UVSSA: variants seen among roughly 807,000 people sequenced by gnomAD.
The protein encoded by UVSSA is UV-stimulated scaffold protein A.
Under a neutral mutation model 73.9 loss-of-function variants are expected in UVSSA, and 72 were observed. That is an observed-to-expected ratio of 0.97 (90% confidence interval 0.81 to 1.19). UVSSA has a LOEUF of 1.19. Among genes scored for constraint, UVSSA ranks in the 50% most tolerant of loss-of-function variants. UVSSA has a pLI of 0.00. For synonymous variants in UVSSA, 454 were observed against 391.3 expected (o/e 1.16, Z -1.89); for missense variants, 1,150 against 965.0 (o/e 1.19, Z -2.54).
chr4:1,394,135 G>C, exon 14 of UVSSA: 1 of 377,572 alleles, frequency 2.6e-6, no homozygotes, highest in South Asian at 2.5e-5. Flanking sequence ...CAGAGGTGAG[G>C]GCCAGGGCAG....
chr4:1,379,484 G>T (rs1310331759), intron 10 of UVSSA, among the ~76,000 whole-genome samples: 1 of 144,242 alleles, frequency 6.9e-6, no homozygotes, highest in African/African-American at 2.5e-5. Context: ...ACGCACCTGG[G>T]ACGCCTGGGA....
At chr4:1,355,033 G>A in intron 6 of UVSSA, 84 bp from the exon 7 acceptor site, 3 of 1,573,328 alleles carry the variant, frequency 1.9e-6, no homozygotes, top group Non-Finnish European at 2.6e-6. Context: ...CCGGGCCAGT[G>A]GACCTGGCAT....
downstream of UVSSA, chr4:1,390,743 T>C (rs1208978862): frequency 6.6e-6 from 1 of 152,460 alleles, no homozygotes; most frequent in Non-Finnish European, 1.5e-5. Flanking sequence ...TGGAGTGTTG[T>C]ATAGATGCCT....
chr4:1,351,494 T>A (rs1430665651), intron 3 of UVSSA, among the ~76,000 whole-genome samples: 1 of 151,648 alleles, frequency 6.6e-6, no homozygotes, highest in Non-Finnish European at 1.5e-5. Context: ...CACACCATTC[T>A]CCTGCCTCAA....
At chr4:1,362,094 C>T (rs1026803317) in intron 7 of UVSSA, among the ~76,000 whole-genome samples, 1 of 152,210 alleles carries the variant, frequency 6.6e-6, no homozygotes, top group Admixed American at 6.5e-5. Flanking sequence ...CTTCTGTGAA[C>T]TGATTGCATT....
chr4:1,395,366 G>T, exon 14 of UVSSA: 2 of 1,457,744 alleles, frequency 1.4e-6, no homozygotes, highest in Non-Finnish European at 1.8e-6. Flanking sequence ...CACATGTGCC[G>T]ATGTGGAGTG....
intron 12 of UVSSA, among the ~76,000 whole-genome samples, chr4:1,381,956 C>T (rs535072862): frequency 1.3e-5 from 2 of 152,310 alleles, no homozygotes; most frequent in East Asian, 1.9e-4. Flanking sequence ...AGTCCCCGCC[C>T]GGCCTCGGTC....
At chr4:1,358,775 A>C (rs1716178885) in intron 7 of UVSSA, among the ~76,000 whole-genome samples, 2 of 152,254 alleles carry the variant, frequency 1.3e-5, no homozygotes, top group South Asian at 4.1e-4. Context: ...AGAGGGTTTA[A>C]ATCACTTCCC....
intron 12 of UVSSA, among the ~76,000 whole-genome samples, 162 bp from the exon 13 acceptor site, chr4:1,383,604 C>G (rs536977513): frequency 6.6e-6 from 1 of 152,228 alleles, no homozygotes; most frequent in African/African-American, 2.4e-5. Flanking sequence ...GAACCCTAAC[C>G]GCTGAGCATC....
chr4:1,393,557 CTAGATAGATAGATAGAT>C (rs1720453460), exon 14 of UVSSA: 1 of 140,470 alleles, frequency 7.1e-6, no homozygotes, highest in Non-Finnish European at 1.5e-5. Flanking sequence ...GCTTTCAAAA[CTAGATAGATAGATAGAT>C]TAGATAGATA....
chr4:1,352,482 G>T (rs777186912), intron 4 of UVSSA, among the ~76,000 whole-genome samples: 9 of 152,244 alleles, frequency 5.9e-5, no homozygotes, highest in Non-Finnish European at 1.0e-4. Flanking sequence ...GCTCCGGCCC[G>T]GGAGGTGTGG....
chr4:1,385,399 A>G, intron 13 of UVSSA: 1 of 205,826 alleles, frequency 4.9e-6, no homozygotes, highest in Non-Finnish European at 1.0e-5. Context: ...GCTCCCCGGA[A>G]TGCCTGCCTG....
At chr4:1,357,313 G>T (rs1009064729) in intron 7 of UVSSA, among the ~76,000 whole-genome samples, 8 of 152,292 alleles carry the variant, frequency 5.3e-5, no homozygotes, top group Non-Finnish European at 2.9e-5. Flanking sequence ...CCCTCCAGCT[G>T]GCACAGTCCT....
At position 1,349,632 on chromosome 4, in the gene UVSSA, C is replaced by A. The variant is rs552547198; in HGVS notation, c.207C>A (p.Phe69Leu). The change falls in exon 3 of 14, where the codon TTC becomes TTA. Residue 69 changes from phenylalanine to leucine, a missense_variant. By Grantham distance (22) the Phe-to-Leu change is conservative (BLOSUM62 0). Coordinates refer to ENST00000389851, the MANE Select transcript of UVSSA (RefSeq NM_020894.4). ...CCTTCCAGATTGTGGAGGAACTCTT[C>A]GTCAGGTCTCACCAGTTCCGGATGC... ...LSAFQIVEEL[F>L]VRSHQFRMLV... 1.2e-6 allele frequency: 2 copies of A among 1,614,090 alleles called. No homozygotes were observed. The highest frequency in any genetic ancestry group is 1.7e-6 in the Non-Finnish European group (2 of 1,180,008).
upstream of UVSSA, among the ~76,000 whole-genome samples, chr4:1,344,109 C>T (rs571749481): frequency 2.6e-5 from 4 of 152,028 alleles, no homozygotes; most frequent in South Asian, 4.2e-4. Flanking sequence ...GTATGTCATA[C>T]GCCTTGTTTA....
At chr4:1,366,089 T>C in intron 7 of UVSSA, 1 of 370,278 alleles carries the variant, frequency 2.7e-6, no homozygotes, top group Non-Finnish European at 4.9e-6. Flanking sequence ...GGTTTTAACA[T>C]AGACTCTAAA....
chr4:1,377,000 C>T (rs1718854009), intron 10 of UVSSA, among the ~76,000 whole-genome samples: 1 of 152,230 alleles, frequency 6.6e-6, no homozygotes, highest in Non-Finnish European at 1.5e-5. Flanking sequence ...TTGCCGTCCC[C>T]ACAGCACCCA....
At chr4:1,359,767 C>T (rs962629480) in intron 7 of UVSSA, among the ~76,000 whole-genome samples, 1 of 152,192 alleles carries the variant, frequency 6.6e-6, no homozygotes, top group Non-Finnish European at 1.5e-5. Flanking sequence ...GCCTCCTCCA[C>T]CGGCCTCACC....
At position 1,353,264 on chromosome 4, in the gene UVSSA, G is replaced by C. The variant is rs376606770; in HGVS notation, c.785G>C (p.Gly262Ala). 2 of 1,611,468 alleles carry C rather than the reference G, an allele frequency of 1.2e-6. No individual in the cohort carries two copies. The highest frequency in any genetic ancestry group is 1.7e-6 in the Non-Finnish European group (2 of 1,179,842). The change falls in exon 5 of 14, where the codon GGC (glycine) becomes GCC (alanine). Residue 262 changes from glycine to alanine, a missense_variant. Physicochemically the swap from Gly to Ala is moderately conservative, Grantham distance 60. Coordinates refer to ENST00000389851, the MANE Select transcript of UVSSA (RefSeq NM_020894.4). Reference sequence around the variant, plus strand: ...AGTAGAGACCTGCCTGCCTCTGCAGGCCACCCCAGAGCGGGCGGCGGGGCA... The same window carrying C: ...AGTAGAGACCTGCCTGCCTCTGCAGCCCACCCCAGAGCGGGCGGCGGGGCA... ...CCSRDLPASA[G>A]HPRAGGGAQP...
Sources: gnomAD v4.1 joint callset for allele counts (sites outside exome capture counted in the v4.1 genomes callset) on GRCh38, gnomAD v4.1.1 for gene constraint, MANE v1.5 for transcripts, NCBI Gene and HGNC (gene_info 2026-07-23, HGNC 2026-07-21) for gene names.